The following EIPR1 variants were observed in gnomAD, a reference collection of about 807,000 sequenced individuals.
EIPR1 encodes EARP complex and GARP complex interacting protein 1, also known as EARP and GARP complex-interacting protein 1.
Under a neutral mutation model 48.1 loss-of-function variants are expected in EIPR1, and 25 were observed. The observed-to-expected ratio is 0.52, with a 90% CI of 0.38 to 0.73. The LOEUF is 0.73. Among genes scored for constraint, EIPR1 ranks in the 30% least tolerant of loss-of-function variants. The pLI, the probability that EIPR1 is intolerant of heterozygous loss-of-function variation, is 0.00. For synonymous variants in EIPR1, 204 were observed against 201.9 expected, an observed-to-expected ratio of 1.01 and a Z score of -0.09; for missense variants, 415 against 506.2, an observed-to-expected ratio of 0.82 and a Z score of 1.73.
chr2:3,200,600 G>A (rs962580588), intron 5 of EIPR1, among the ~76,000 whole-genome samples: 4 of 151,894 alleles, frequency 2.6e-5, no homozygotes, highest in African/African-American at 9.7e-5. Flanking sequence ...GGGAGCAGCC[G>A]CCACGTGTGG....
intron 3 of EIPR1, among the ~76,000 whole-genome samples, chr2:3,272,556 C>T (rs1024539418): frequency 6.6e-6 from 1 of 152,118 alleles, no homozygotes; most frequent in East Asian, 1.9e-4. Flanking sequence ...AGGAAACTGC[C>T]GGTTGATGGA....
At chr2:3,277,425 T>C (rs899444807) in intron 3 of EIPR1, among the ~76,000 whole-genome samples, 4 of 152,236 alleles carry the variant, frequency 2.6e-5, no homozygotes, top group African/African-American at 9.6e-5. Context: ...CAGAAATGCC[T>C]TGACCCCATG....
At chr2:3,271,196 C>T (rs1009539763) in intron 3 of EIPR1, among the ~76,000 whole-genome samples, 1 of 152,224 alleles carries the variant, frequency 6.6e-6, no homozygotes, top group Non-Finnish European at 1.5e-5. Flanking sequence ...ACCACAACTG[C>T]AGTTACTTTC....
chr2:3,213,323 T>G (rs1207852332), intron 5 of EIPR1, among the ~76,000 whole-genome samples: 3 of 152,216 alleles, frequency 2.0e-5, no homozygotes, highest in Non-Finnish European at 2.9e-5. Context: ...AACCACATTT[T>G]AAAGGAGAAA....
chr2:3,367,088 T>A (rs10206091), intron 1 of EIPR1, among the ~76,000 whole-genome samples: 111,591 of 148,550 alleles, frequency 0.75, 43,048 homozygotes, highest in Non-Finnish European at 0.86. Flanking sequence ...TAAACGAAAA[T>A]AAATTCAACT....
chr2:3,282,991 G>T (rs1322954944), intron 3 of EIPR1, among the ~76,000 whole-genome samples: 2 of 152,172 alleles, frequency 1.3e-5, no homozygotes, highest in Non-Finnish European at 2.9e-5. Context: ...GAATACCTAG[G>T]GGTGATCTGT....
intron 4 of EIPR1, among the ~76,000 whole-genome samples, chr2:3,244,144 C>G (rs539179565): frequency 7.2e-5 from 11 of 152,238 alleles, no homozygotes; most frequent in Non-Finnish European, 1.2e-4. Flanking sequence ...GAAACGTTAA[C>G]ATATCAAACA....
intron 1 of EIPR1, among the ~76,000 whole-genome samples, chr2:3,366,624 A>C (rs933624423): frequency 1.8e-4 from 28 of 152,368 alleles, no homozygotes; most frequent in African/African-American, 6.5e-4. Context: ...CCATGTGTTT[A>C]AAATGCTTGT....
chr2:3,274,262 CA>C, intron 3 of EIPR1: 3 of 1,515,884 alleles, frequency 2.0e-6, no homozygotes, highest in Non-Finnish European at 8.8e-7. Context: ...CTCCAAGTAC[CA>C]TAATTAAAAA....
chr2:3,200,950 G>A (rs1475715904), intron 5 of EIPR1, among the ~76,000 whole-genome samples: 1 of 152,158 alleles, frequency 6.6e-6, no homozygotes, highest in Non-Finnish European at 1.5e-5. Context: ...TGGGCACTCC[G>A]CATGGTGACG....
At chr2:3,233,386 C>CAGTA (rs1311645018) in intron 4 of EIPR1, among the ~76,000 whole-genome samples, 4 of 152,054 alleles carry the variant, frequency 2.6e-5, no homozygotes, top group African/African-American at 9.7e-5. Flanking sequence ...TACAATGAAG[C>CAGTA]AGTAAGTATC....
chr2:3,330,845 GAGACAGGT>G (rs1669869970), intron 3 of EIPR1, among the ~76,000 whole-genome samples: 1 of 150,748 alleles, frequency 6.6e-6, no homozygotes, highest in African/African-American at 2.5e-5. Flanking sequence ...GGTGTGAGCA[GAGACAGGT>G]GCACACACTC....
intron 4 of EIPR1, among the ~76,000 whole-genome samples, chr2:3,228,120 T>A (rs1030457833): frequency 3.3e-5 from 5 of 152,242 alleles, no homozygotes; most frequent in Admixed American, 3.3e-4. Context: ...ACCAACAGCT[T>A]GCACTGTGTG....
At chr2:3,261,586 AT>A (rs1475301094) in intron 3 of EIPR1, 1 of 152,204 alleles carries the variant, frequency 6.6e-6, no homozygotes, top group Non-Finnish European at 1.5e-5. Flanking sequence ...ATCCCCACAC[AT>A]TTCCAGGTCT....
At chr2:3,327,363 T>C (rs1057311813) in intron 3 of EIPR1, among the ~76,000 whole-genome samples, 3 of 152,122 alleles carry the variant, frequency 2.0e-5, no homozygotes, top group Admixed American at 6.5e-5. Context: ...TTTGTATTTT[T>C]AGTAGAGATG....
intron 3 of EIPR1, among the ~76,000 whole-genome samples, chr2:3,273,291 C>G (rs572504830): frequency 7.9e-5 from 12 of 152,302 alleles, no homozygotes; most frequent in Admixed American, 7.8e-4. Flanking sequence ...AATAGTAAAG[C>G]TGTTGTTGAA....
intron 2 of EIPR1, chr2:3,353,119 G>C (rs946248888): frequency 4.9e-6 from 2 of 404,546 alleles, no homozygotes; most frequent in African/African-American, 4.2e-5. Flanking sequence ...ATGTTGTTAA[G>C]CTTTTGTTGT....
chr2:3,202,128 G>T lies in EIPR1; in HGVS notation c.517-5111C>A, dbSNP rs569025353. Among the ~76,000 whole-genome samples, 16 of 152,080 alleles carry T rather than the reference G, an allele frequency of 1.1e-4. No homozygotes were observed. In the East Asian group the frequency reaches 2.9e-3, roughly 28 times the overall value. The stretch of plus-strand genomic sequence containing the variant: ...AATTTTTTGTATTTTTAGTAGAGAC[G>T]GGGTTTCACCATGTTAGCCAGGATG... On this transcript the variant is annotated intron_variant, in intron 5 of 8. Transcript: ENST00000382125.
At chr2:3,196,841 A>G (rs201661369) in intron 6 of EIPR1, 40 bp downstream of exon 6, 81 of 1,607,218 alleles carry the variant, frequency 5.0e-5, no homozygotes, top group Non-Finnish European at 6.5e-5. Context: ...TCGGTGAGGG[A>G]GGAAAGGAAG....
Sources: gnomAD v4.1 joint callset for allele counts (sites outside exome capture counted in the v4.1 genomes callset) on GRCh38, gnomAD v4.1.1 for gene constraint, MANE v1.5 for transcripts, NCBI Gene and HGNC (gene_info 2026-07-23, HGNC 2026-07-21) for gene names.